The following ZNF644 variants were observed in gnomAD, a reference collection of about 807,000 sequenced individuals.
ZNF644 encodes the protein zinc finger protein 644.
A neutral mutation model predicts 108.0 loss-of-function variants in ZNF644; 20 were observed. The observed-to-expected ratio is 0.19, with a 90% CI of 0.13 to 0.27. ZNF644 has a LOEUF of 0.27. Ranked by LOEUF, ZNF644 falls within the 10% of genes least tolerant of loss-of-function variation. The pLI is 1.00. For synonymous variants in ZNF644, 542 were observed against 539.1 expected (o/e 1.01, Z -0.08); for missense variants, 1,338 against 1,548.9 (o/e 0.86, Z 2.29).
Position 90,938,574 on chromosome 1 carries a change from T to A in ZNF644, c.2780A>T (p.Asn927Ile). Residue 927 changes from asparagine (N) to isoleucine (I), a missense_variant, in exon 3 of 6, where the codon AAC (asparagine) becomes ATC (isoleucine). By Grantham distance (149) the Asn-to-Ile change is moderately radical. Around this residue, in one of 6 missense-constraint regions of ZNF644, gnomAD observed 462 missense variants for 472.6 expected, o/e 0.98. Coordinates refer to ENST00000337393, the MANE Select transcript of ZNF644 (RefSeq NM_201269.3). The surrounding 1 kb of genome is among the most constrained non-coding windows in gnomAD (Gnocchi z 4.2). ...YFEYYEDTGS[N>I]NFLHEIHDPQ... Reference sequence around the variant, plus strand: ...ATCATGTATCTCATGCAAAAAGTTGTTACTTCCAGTATCTTCATAGTATTC... The same window carrying A: ...ATCATGTATCTCATGCAAAAAGTTGATACTTCCAGTATCTTCATAGTATTC... 1 of 1,613,920 alleles carries A rather than the reference T, an allele frequency of 6.2e-7. No homozygotes were observed. Among genetic ancestry groups the A allele is most frequent in the Non-Finnish European group, 8.5e-7 (1 of 1,179,866 alleles).
chr1:90,968,707 T>A (rs1191993151), intron 2 of ZNF644, among the ~76,000 whole-genome samples: 1 of 152,186 alleles, frequency 6.6e-6, no homozygotes, highest in Non-Finnish European at 1.5e-5. Context: ...CTTTGTATAA[T>A]AGATGACATG....
rs560067912 is a variant in ZNF644, at chr1:91,005,524, T to A, written c.-18+16466A>T. On this transcript the variant is annotated intron_variant, in intron 1 of 5. Transcript: ENST00000337393. ...AATGTTCTTTAGTATGTACTAGGTG[T>A]TAGGCCATCAGACAAGTGTCAATAA... 1.4e-4 allele frequency among the ~76,000 whole-genome samples: 21 copies of A among 152,204 alleles called. No homozygotes were observed. In the South Asian group the frequency reaches 4.4e-3, roughly 32 times the overall value.
chr1:90,916,888 A>C lies in ZNF644; in HGVS notation c.3894T>G (p.Ala1298=). The change falls in exon 6 of 6, where the codon GCT becomes GCG. Residue 1298 remains alanine, a synonymous_variant. Transcript: ENST00000337393. ...GTAGTGACGTGACTTCCACCATGCC[A>C]GCTCCAGTCCGTGGAAGATTAGCGT... ...IVNANLPRTG[A]GMVEVTSLLK... 2 of 1,614,200 alleles carry C rather than the reference A, an allele frequency of 1.2e-6. No homozygotes were observed. Among genetic ancestry groups the C allele is most frequent in the Non-Finnish European group, 1.7e-6 (2 of 1,180,038 alleles).
At chr1:90,926,738 A>C (rs1650081024) in intron 4 of ZNF644, among the ~76,000 whole-genome samples, 1 of 152,052 alleles carries the variant, frequency 6.6e-6, no homozygotes, top group Non-Finnish European at 1.5e-5. Context: ...TGCTTATTTT[A>C]TTTCCATAAT....
rs1320349068 is a variant in ZNF644, at chr1:90,939,413, CTGT to C, written c.1938_1940del (p.Gln647del). On this transcript the variant is annotated inframe_deletion, in exon 3 of 6. Transcript: ENST00000337393. ...CAGAGTTCTTTGGAAATGTGGTTGACTGTTGTTTAGTTAATGTTTTAGTGCTAT... is the reference window on the plus strand; with the variant it reads ...CAGAGTTCTTTGGAAATGTGGTTGACTGTTTAGTTAATGTTTTAGTGCTAT... The C allele has an allele frequency of 1.9e-6, 3 of 1,613,830 alleles. No individual in the cohort carries two copies. In the African/African-American group the frequency reaches 4.0e-5, roughly 22 times the overall value.
chr1:90,978,825 C>T (rs1369991931), intron 2 of ZNF644, among the ~76,000 whole-genome samples: 1 of 148,084 alleles, frequency 6.8e-6, no homozygotes, highest in Admixed American at 6.7e-5. Flanking sequence ...ACACACTTCA[C>T]AATCAGGATT....
chr1:90,916,551 T>G lies in ZNF644; in HGVS notation c.*247A>C, dbSNP rs187405915. The stretch of plus-strand genomic sequence containing the variant: ...TAATGGCTGCTTACATGTACTGCTC[T>G]TTTACTGAGTGAACACAGTTAACCA... On this transcript the variant is annotated 3_prime_UTR_variant, in exon 6 of 6. Coordinates refer to ENST00000337393, the MANE Select transcript of ZNF644 (RefSeq NM_201269.3). The G allele has an allele frequency of 2.5e-4, 128 of 507,320 alleles. No homozygotes were observed. Among genetic ancestry groups the G allele is most frequent in the Non-Finnish European group, 3.7e-4 (105 of 282,424 alleles). 31.4% of individuals were successfully genotyped at this position (507,320 alleles called of 1,614,324 possible).
Position 90,940,477 on chromosome 1 carries a change from GCTTT to G in ZNF644, c.873_876del (p.Arg291SerfsTer6). ...GTTATCTTGCTTACATCCATTTTTC[GCTTT>G]CTTTTTTTTTCTAGACCTATTTTAG... On this transcript the variant is annotated frameshift_variant, in exon 3 of 6. Transcript: ENST00000337393. LOFTEE classifies it high-confidence loss of function. 1 of 1,613,364 alleles carries G rather than the reference GCTTT, an allele frequency of 6.2e-7. No individual in the cohort carries two copies. The highest frequency in any genetic ancestry group is 8.5e-7 in the Non-Finnish European group (1 of 1,179,804).
At chr1:91,016,147 T>A (rs2100682354) in intron 1 of ZNF644, among the ~76,000 whole-genome samples, 1 of 152,230 alleles carries the variant, frequency 6.6e-6, no homozygotes, top group African/African-American at 2.4e-5. Context: ...ATTTAGTGAG[T>A]CAGTAGCAAA....
intron 2 of ZNF644, among the ~76,000 whole-genome samples, chr1:90,960,342 T>C (rs1252193091): frequency 4.6e-5 from 7 of 152,120 alleles, no homozygotes; most frequent in Admixed American, 2.0e-4. Flanking sequence ...GTTATGAACG[T>C]GGTGCATTTT....
At chr1:90,972,681 A>G (rs1177996256) in intron 2 of ZNF644, 1 of 152,240 alleles carries the variant, frequency 6.6e-6, no homozygotes, top group Non-Finnish European at 1.5e-5. Context: ...TCACTGCAGC[A>G]TTGTTCACAA....
At chr1:90,982,905 A>T (rs1656707278) in intron 1 of ZNF644, among the ~76,000 whole-genome samples, 1 of 152,168 alleles carries the variant, frequency 6.6e-6, no homozygotes, top group Admixed American at 6.5e-5. Context: ...AAGCATCATT[A>T]TTCTAGAGAA....
intron 1 of ZNF644, among the ~76,000 whole-genome samples, chr1:91,010,066 T>G (rs926425806): frequency 6.6e-6 from 1 of 152,166 alleles, no homozygotes; most frequent in African/African-American, 2.4e-5. Flanking sequence ...TATTTCTTCA[T>G]GTAATTCTAT....
chr1:90,916,727 A>G lies in ZNF644; in HGVS notation c.*71T>C, dbSNP rs1309357200. On this transcript the variant is annotated 3_prime_UTR_variant, in exon 6 of 6. Transcript: ENST00000337393. Reference sequence around the variant, plus strand: ...TTAGTATTTATAAACAGATAATTTAATGTGGCTTAAAAAAAAAGAATTTCA... The same window carrying G: ...TTAGTATTTATAAACAGATAATTTAGTGTGGCTTAAAAAAAAAGAATTTCA... The G allele has an allele frequency of 1.6e-5, 24 of 1,541,066 alleles. No individual in the cohort carries two copies. The highest frequency in any genetic ancestry group is 2.1e-5 in the Non-Finnish European group (24 of 1,118,756).
chr1:91,003,774 CCAGA>C (rs1659133287), intron 1 of ZNF644, among the ~76,000 whole-genome samples: 1 of 151,850 alleles, frequency 6.6e-6, no homozygotes, highest in South Asian at 2.1e-4. Flanking sequence ...CTGAGGAAAC[CCAGA>C]CATAGGACTG....
At position 90,982,306 on chromosome 1, in the gene ZNF644, T is replaced by C. The variant is rs747743569; in HGVS notation, c.44+4A>G. On this transcript the variant is annotated splice_donor_region_variant and intron_variant, in intron 2 of 5. Coordinates refer to ENST00000337393, the MANE Select transcript of ZNF644 (RefSeq NM_201269.3). ...TACATTTAACAAAGCAGTCTTCTAC[T>C]TACCTAGATTTTGTCTTATTAACAT... 1.1e-5 allele frequency: 17 copies of C among 1,608,064 alleles called. No individual in the cohort carries two copies. The highest frequency in any genetic ancestry group is 2.2e-5 in the East Asian group (1 of 44,684).
intron 2 of ZNF644, among the ~76,000 whole-genome samples, chr1:90,981,707 C>A (rs1441119738): frequency 1.3e-5 from 2 of 152,072 alleles, no homozygotes; most frequent in Admixed American, 1.3e-4. Context: ...GATGCCAATT[C>A]AATTTTTTAA....
chr1:90,932,367 T>C (rs1650828869), intron 4 of ZNF644, among the ~76,000 whole-genome samples: 1 of 152,198 alleles, frequency 6.6e-6, no homozygotes, highest in South Asian at 2.1e-4. Flanking sequence ...CTGCTTAAAC[T>C]AGAAATACAC....
chr1:90,946,868 T>A (rs1180709649), intron 2 of ZNF644, among the ~76,000 whole-genome samples: 1 of 152,116 alleles, frequency 6.6e-6, no homozygotes, highest in East Asian at 1.9e-4. Flanking sequence ...CATCCTCACT[T>A]GTTAACAGGA....
Sources: gnomAD v4.1 joint callset for allele counts (sites outside exome capture counted in the v4.1 genomes callset) on GRCh38, gnomAD v4.1.1 for gene constraint, gnomAD v4.1.1 regional missense constraint, Gnocchi (gnomAD v3.1) non-coding constraint, MANE v1.5 for transcripts, NCBI Gene and HGNC (gene_info 2026-07-23, HGNC 2026-07-21) for gene names.